The following PRH1 variants were observed in gnomAD, a reference collection of about 807,000 sequenced individuals.
PRH1 encodes salivary acidic proline-rich phosphoprotein 1/2.
In PRH1, 7 loss-of-function variants were observed where a neutral mutation model predicts 7.9. The observed-to-expected ratio is 0.89, with a 90% CI of 0.50 to 1.67. PRH1 has a LOEUF of 1.67. Among genes scored for constraint, PRH1 ranks in the 40% most tolerant of loss-of-function variants. The pLI is 0.00. For missense variants in PRH1, 109 were observed against 223.6 expected (o/e 0.49, Z 3.27); for synonymous variants, 45 against 80.8 (o/e 0.56, Z 2.38).
At chr12:11,018,042 A>C (rs1182549293) in intron 1 of PRH1, among the ~76,000 whole-genome samples, 1 of 151,942 alleles carries the variant, frequency 6.6e-6, no homozygotes, top group African/African-American at 2.4e-5. Context: ...AACATATAAT[A>C]TCTCTACAGC....
At chr12:10,930,653 C>T (rs762380492) in intron 2 of PRH1, 2 of 1,613,636 alleles carry the variant, frequency 1.2e-6, no homozygotes, top group East Asian at 2.2e-5. Context: ...CTTGTTTCAA[C>T]TCACACAGAT....
chr12:10,952,916 T>C (rs1289173840), intron 2 of PRH1, among the ~76,000 whole-genome samples: 1 of 152,100 alleles, frequency 6.6e-6, no homozygotes, highest in East Asian at 1.9e-4. Context: ...TTCAGAGTGT[T>C]GTGGCCAGCA....
intron 1 of PRH1, among the ~76,000 whole-genome samples, chr12:11,099,039 A>G (rs989980942): frequency 6.6e-6 from 1 of 152,034 alleles, no homozygotes; most frequent in Non-Finnish European, 1.5e-5. Context: ...ATGTTTAAAT[A>G]TTTATTATTA....
chr12:11,039,282 A>G (rs1379871221), intron 1 of PRH1, among the ~76,000 whole-genome samples: 1 of 152,212 alleles, frequency 6.6e-6, no homozygotes, highest in African/African-American at 2.4e-5. Context: ...GTGTGCAGTA[A>G]TGTTGTTTTT....
chr12:10,937,896 CA>C (rs1269331194), intron 2 of PRH1: 1 of 170,398 alleles, frequency 5.9e-6, no homozygotes, highest in Non-Finnish European at 1.2e-5. Context: ...CTTTATCTAC[CA>C]GATTGAGATG....
At chr12:10,906,465 A>G (rs1199850803) in intron 2 of PRH1, among the ~76,000 whole-genome samples, 1 of 152,222 alleles carries the variant, frequency 6.6e-6, no homozygotes, top group Non-Finnish European at 1.5e-5. Flanking sequence ...TATAAAACAT[A>G]TGTCTGATAA....
At chr12:11,120,394 C>T (rs1424363552), downstream of PRH1, among the ~76,000 whole-genome samples, 1 of 152,094 alleles carries the variant, frequency 6.6e-6, no homozygotes, top group East Asian at 1.9e-4. Context: ...GAAGCTGGGG[C>T]TCCCCTTTTC....
At chr12:11,104,538 T>C (rs1478700683) in intron 1 of PRH1, among the ~76,000 whole-genome samples, 6 of 152,238 alleles carry the variant, frequency 3.9e-5, no homozygotes, top group African/African-American at 1.2e-4. Flanking sequence ...TTTGTTAATT[T>C]TGATCACTGT....
intron 1 of PRH1, among the ~76,000 whole-genome samples, chr12:11,070,060 G>T (rs1443302258): frequency 1.3e-5 from 2 of 152,260 alleles, no homozygotes; most frequent in Admixed American, 6.5e-5. Context: ...GCAGAAGAGG[G>T]CTCCCACCAC....
At position 11,168,311 on chromosome 12, in the gene PRH1, G is replaced by A. The variant is rs187658275; in HGVS notation, n.39+3111C>T. On this transcript the variant is annotated intron_variant and non_coding_transcript_variant, in intron 1 of 1. Coordinates refer to the PRH1 transcript ENST00000541175. Reference sequence around the variant, plus strand: ...AAGAAAGAAAGAAAGAAGGAAGGAAGGAAGGAAGGAAGGAAGGAAGGAAGG... The same window carrying A: ...AAGAAAGAAAGAAAGAAGGAAGGAAAGAAGGAAGGAAGGAAGGAAGGAAGG... Among the ~76,000 whole-genome samples, 7 of 39,704 alleles carry A rather than the reference G, an allele frequency of 1.8e-4. 2 individuals carry two copies. The highest frequency in any genetic ancestry group is 0.014 in the Middle Eastern group (1 of 72). 26.0% of individuals were successfully genotyped at this position (39,704 alleles called of 152,430 possible). A position where few individuals can be genotyped will look rare whatever the true frequency, so the allele number is the denominator to read the frequency against.
upstream of PRH1, among the ~76,000 whole-genome samples, chr12:11,050,846 C>G (rs1943113587): frequency 6.6e-6 from 1 of 152,236 alleles, no homozygotes; most frequent in South Asian, 2.1e-4. Flanking sequence ...GTTTCTTGCT[C>G]TTTTCCATTC....
upstream of PRH1, among the ~76,000 whole-genome samples, chr12:10,886,215 A>T (rs2135785250): frequency 6.6e-6 from 1 of 152,230 alleles, no homozygotes; most frequent in South Asian, 2.1e-4. Context: ...GGACCTGGAG[A>T]TGAGCAGTCC....
At chr12:10,951,731 C>T (rs537019624) in intron 2 of PRH1, among the ~76,000 whole-genome samples, 4 of 152,084 alleles carry the variant, frequency 2.6e-5, no homozygotes, top group Admixed American at 1.3e-4. Flanking sequence ...TGTAAATATT[C>T]CTTGAGCACT....
At chr12:11,127,858 G>C (rs1352189320) in intron 1 of PRH1, among the ~76,000 whole-genome samples, 2 of 147,290 alleles carry the variant, frequency 1.4e-5, no homozygotes, top group Non-Finnish European at 1.5e-5. Context: ...TGTAATCCCA[G>C]CATTTTGGGA....
chr12:11,056,859 CTT>C (rs1174516590), intron 1 of PRH1, among the ~76,000 whole-genome samples: 1 of 107,878 alleles, frequency 9.3e-6, no homozygotes, highest in Non-Finnish European at 2.2e-5. Context: ...ATAAATCTGT[CTT>C]TGGCTAGTTT....
intron 1 of PRH1, among the ~76,000 whole-genome samples, chr12:11,140,857 G>A (rs1397346238): frequency 6.6e-6 from 1 of 152,012 alleles, no homozygotes; most frequent in African/African-American, 2.4e-5. Context: ...CTTGAGGATA[G>A]CTAGGATCAT....
Position 11,031,373 on chromosome 12 carries a change from G to A in PRH1, c.-126+15647C>T. ...AAAAAAAAATTGTTTTAATGCTGGTGTTGTGTCCGGAGTTGGTTCCTGCAG... is the reference window on the plus strand; with the variant it reads ...AAAAAAAAATTGTTTTAATGCTGGTATTGTGTCCGGAGTTGGTTCCTGCAG... On this transcript the variant is annotated intron_variant, in intron 1 of 3. Coordinates refer to the PRH1 transcript ENST00000539853. The A allele has an allele frequency of 5.6e-6, 9 of 1,598,188 alleles. No individual in the cohort carries two copies. The Admixed American group carries it at 8.6e-5, about 15-fold the overall frequency.
intron 1 of PRH1, chr12:10,985,885 A>G: frequency 7.3e-7 from 1 of 1,369,530 alleles, no homozygotes; most frequent in Non-Finnish European, 1.0e-6. Flanking sequence ...AGACACTATC[A>G]GTTTGTTTTC....
intron 1 of PRH1, among the ~76,000 whole-genome samples, chr12:11,148,424 C>G (rs7974485): frequency 7.6e-5 from 10 of 131,934 alleles, no homozygotes; most frequent in South Asian, 2.3e-4. Context: ...GGCTGTGGGT[C>G]TGTCATAGAT....
Sources: gnomAD v4.1 joint callset for allele counts (sites outside exome capture counted in the v4.1 genomes callset) on GRCh38, gnomAD v4.1.1 for gene constraint, MANE v1.5 for transcripts, NCBI Gene and HGNC (gene_info 2026-07-23, HGNC 2026-07-21) for gene names.